The following RAD51B variants were observed in gnomAD, a reference collection of about 807,000 sequenced individuals.
The protein encoded by RAD51B is RAD51 paralog B, also known as DNA repair protein RAD51 homolog 2.
In RAD51B, 38 loss-of-function variants were observed where a neutral mutation model predicts 42.2. That is an observed-to-expected ratio of 0.90 (90% confidence interval 0.70 to 1.18). The LOEUF (loss-of-function observed/expected upper bound fraction) is 1.18. Ranked by LOEUF, RAD51B falls within the 50% of genes most tolerant of loss-of-function variation. The probability of loss-of-function intolerance (pLI) is 0.00; values close to 1 mark genes in which losing one functional copy is unlikely to be tolerated. For missense variants in RAD51B, 373 were observed against 400.7 expected (o/e 0.93, Z 0.59); for synonymous variants, 154 against 145.2 (o/e 1.06, Z -0.43).
At chr14:68,525,499 G>T (rs1372997484) in intron 10 of RAD51B, among the ~76,000 whole-genome samples, 3 of 152,190 alleles carry the variant, frequency 2.0e-5, no homozygotes, top group East Asian at 3.8e-4. Context: ...AATCATGGTG[G>T]TCACCTTAGC....
At chr14:68,124,516 G>A (rs2077715741) in intron 7 of RAD51B, among the ~76,000 whole-genome samples, 1 of 152,168 alleles carries the variant, frequency 6.6e-6, no homozygotes, top group Non-Finnish European at 1.5e-5. Flanking sequence ...AAGTAAAACA[G>A]CAAACTAGCT....
At chr14:68,191,181 A>G (rs2079259287) in intron 7 of RAD51B, among the ~76,000 whole-genome samples, 1 of 152,184 alleles carries the variant, frequency 6.6e-6, no homozygotes, top group South Asian at 2.1e-4. Context: ...AATTGCTTAA[A>G]TAATTAAGTA....
At chr14:68,143,679 G>C (rs1005029565) in intron 7 of RAD51B, among the ~76,000 whole-genome samples, 16 of 152,206 alleles carry the variant, frequency 1.1e-4, no homozygotes, top group Non-Finnish European at 1.5e-5. Context: ...TTTATGCCAA[G>C]TCCTTGCCTA....
At chr14:68,178,978 T>C (rs759489976) in intron 7 of RAD51B, among the ~76,000 whole-genome samples, 27 of 152,156 alleles carry the variant, frequency 1.8e-4, no homozygotes, top group Non-Finnish European at 7.4e-5. Context: ...ATTTCTGCTC[T>C]GGTCACAATG....
chr14:68,416,380 C>T lies in RAD51B; in HGVS notation c.957+4853C>T, dbSNP rs1266064440. On this transcript the variant is annotated intron_variant, in intron 9 of 10. Coordinates refer to ENST00000471583, the MANE Select transcript of RAD51B (RefSeq NM_133510.4). ...GTCTCTATTCTTAGACTTCTGAGCC[C>T]TGAATTATGAGCCCCTTGAGGTCTA... 2.0e-5 allele frequency among the ~76,000 whole-genome samples: 3 copies of T among 152,164 alleles called. No homozygotes were observed. In the East Asian group the frequency reaches 5.8e-4, roughly 29 times the overall value.
intron 9 of RAD51B, among the ~76,000 whole-genome samples, chr14:68,428,137 TG>T (rs1307723702): frequency 6.6e-6 from 1 of 152,204 alleles, no homozygotes; most frequent in Admixed American, 6.5e-5. Context: ...TACAGGACTA[TG>T]AGAAATAAAT....
chr14:68,578,265 G>T (rs967113964), intron 10 of RAD51B, among the ~76,000 whole-genome samples: 12 of 152,080 alleles, frequency 7.9e-5, no homozygotes, highest in Admixed American at 7.9e-4. Flanking sequence ...TTTTCTATTG[G>T]CTGGGCGTGG....
intron 11 of RAD51B, among the ~76,000 whole-genome samples, chr14:68,652,394 G>A (rs1164492060): frequency 1.3e-5 from 2 of 152,134 alleles, no homozygotes; most frequent in Admixed American, 6.5e-5. Context: ...CAGTTCAAAG[G>A]AAAGTTCTAA....
chr14:68,650,643 T>G, intron 10 of RAD51B: 1 of 607,274 alleles, frequency 1.6e-6, no homozygotes, highest in Non-Finnish European at 2.9e-6. Context: ...CTGTTGTGTT[T>G]AAAGTAGCAT....
At chr14:67,930,913 A>ATT (rs2044704824) in intron 7 of RAD51B, among the ~76,000 whole-genome samples, 1 of 125,034 alleles carries the variant, frequency 8.0e-6, no homozygotes, top group African/African-American at 3.6e-5. Context: ...TGCCTGGGTT[A>ATT]TTTCTTTTTT....
At chr14:68,604,029 T>C (rs1227471848) in intron 10 of RAD51B, among the ~76,000 whole-genome samples, 3 of 152,226 alleles carry the variant, frequency 2.0e-5, no homozygotes, top group Non-Finnish European at 2.9e-5. Flanking sequence ...CCCTGAACTT[T>C]GTATTTCTTA....
chr14:68,317,074 A>C (rs12881502), intron 8 of RAD51B, among the ~76,000 whole-genome samples: 73,999 of 152,040 alleles, frequency 0.49, 21,228 homozygotes, highest in South Asian at 0.65. Context: ...ATTTGAGACA[A>C]TTAAGTCTCA....
At chr14:67,983,925 T>G (rs891545888) in intron 7 of RAD51B, among the ~76,000 whole-genome samples, 1 of 151,628 alleles carries the variant, frequency 6.6e-6, no homozygotes, top group Non-Finnish European at 1.5e-5. Context: ...CAGACAGGGC[T>G]GGTTTTTTTT....
chr14:68,602,894 C>T lies in RAD51B; in HGVS notation c.1037-8112C>T, dbSNP rs573408140. Among the ~76,000 whole-genome samples the T allele has an allele frequency of 1.1e-4, 16 of 152,324 alleles. No individual in the cohort carries two copies. In the East Asian group the frequency reaches 2.9e-3, roughly 28 times the overall value. ...CGTATAAATCTCCTGAAACATTGCT[C>T]TCACCACAATGCTTCCCTGCTCCAA... On this transcript the variant is annotated intron_variant, in intron 10 of 10. Transcript: ENST00000487861.
At chr14:68,572,643 C>G (rs1889763547) in intron 10 of RAD51B, among the ~76,000 whole-genome samples, 1 of 152,148 alleles carries the variant, frequency 6.6e-6, no homozygotes, top group Non-Finnish European at 1.5e-5. Flanking sequence ...CCACTCCCAC[C>G]TGATCCCAGA....
chr14:67,898,871 T>C (rs1455163795), intron 7 of RAD51B, among the ~76,000 whole-genome samples: 1 of 152,184 alleles, frequency 6.6e-6, no homozygotes, highest in Non-Finnish European at 1.5e-5. Flanking sequence ...ACAGCTGTGG[T>C]TTAAAGGTTT....
chr14:68,507,656 C>T (rs1166311061), intron 10 of RAD51B, among the ~76,000 whole-genome samples: 1 of 152,190 alleles, frequency 6.6e-6, no homozygotes, highest in Non-Finnish European at 1.5e-5. Context: ...AGATGGTGAC[C>T]AGCTCACAAT....
At chr14:68,589,926 T>G (rs990058403) in intron 10 of RAD51B, among the ~76,000 whole-genome samples, 15 of 152,184 alleles carry the variant, frequency 9.9e-5, no homozygotes, top group African/African-American at 3.6e-4. Flanking sequence ...CACAGACATA[T>G]TCACACACGA....
At chr14:68,251,397 G>C (rs1350111677) in intron 7 of RAD51B, among the ~76,000 whole-genome samples, 2 of 152,106 alleles carry the variant, frequency 1.3e-5, no homozygotes, top group African/African-American at 4.8e-5. Context: ...TTAGAGGAGA[G>C]TGTAGCTATA....
Sources: gnomAD v4.1 joint callset for allele counts (sites outside exome capture counted in the v4.1 genomes callset) on GRCh38, gnomAD v4.1.1 for gene constraint, MANE v1.5 for transcripts, NCBI Gene and HGNC (gene_info 2026-07-23, HGNC 2026-07-21) for gene names.